The following SEL1L2 variants were observed in gnomAD, a reference collection of about 807,000 sequenced individuals.
The protein encoded by SEL1L2 is protein sel-1 homolog 2.
SEL1L2 carries 89 observed loss-of-function variants against 98.8 expected under a neutral mutation model. The ratio of observed to expected loss-of-function variants is 0.90; its 90% confidence interval spans 0.76 to 1.07. The LOEUF (loss-of-function observed/expected upper bound fraction) is 1.07, where lower values mean the gene tolerates loss of function less well. Among genes scored for constraint, SEL1L2 ranks in the 50% least tolerant of loss-of-function variants. The pLI is 0.00. For synonymous variants in SEL1L2, 262 were observed against 278.5 expected (o/e 0.94, Z 0.59); for missense variants, 788 against 812.0 (o/e 0.97, Z 0.36).
intron 1 of SEL1L2, among the ~76,000 whole-genome samples, chr20:13,976,582 T>C (rs6079243): frequency 6.6e-6 from 1 of 151,864 alleles, no homozygotes; most frequent in Non-Finnish European, 1.5e-5. Context: ...GAAGCTAGGA[T>C]CTAATCACAT....
rs73259279 is a variant in SEL1L2, at chr20:13,857,033, A to G, written c.1818+2229T>C. On this transcript the variant is annotated intron_variant, in intron 18 of 19. Coordinates refer to ENST00000284951, the MANE Select transcript of SEL1L2 (RefSeq NM_025229.2). ...TTCATTTTAAGAATTAGAGAAGGTG[A>G]TAGCACCTTGTAAATTTGACTCTGA... Among the ~76,000 whole-genome samples, 1,510 of 152,316 alleles carry G rather than the reference A, an allele frequency of 9.9e-3. 28 individuals carry two copies. The highest frequency in any genetic ancestry group is 0.035 in the African/African-American group (1,448 of 41,566).
Position 13,909,505 on chromosome 20 carries a change from GCCGGGAGCAGGAT to G in SEL1L2, c.549+4264_549+4276del, listed in dbSNP as rs147598151. Reference sequence around the variant, plus strand: ...CACTGGAATTTAATCCAGCTATAGTGCCGGGAGCAGGATCCTGGAGGCTCCCTGCTTATCCAGA... The same window carrying G: ...CACTGGAATTTAATCCAGCTATAGTGCCTGGAGGCTCCCTGCTTATCCAGA... On this transcript the variant is annotated intron_variant, in intron 5 of 19. Coordinates refer to ENST00000284951, the MANE Select transcript of SEL1L2 (RefSeq NM_025229.2). Among the ~76,000 whole-genome samples, 172 of 152,300 alleles carry G rather than the reference GCCGGGAGCAGGAT, an allele frequency of 1.1e-3. 2 individuals are homozygous for G. The East Asian group carries it at 0.029, about 26-fold the overall frequency.
chr20:13,855,939 C>T (rs1210829938), intron 18 of SEL1L2, among the ~76,000 whole-genome samples: 2 of 152,132 alleles, frequency 1.3e-5, no homozygotes, highest in Admixed American at 6.5e-5. Flanking sequence ...AGAGTCATCT[C>T]GGTCACAGAT....
chr20:13,870,740 T>C (rs2046148215), intron 12 of SEL1L2, among the ~76,000 whole-genome samples: 1 of 152,048 alleles, frequency 6.6e-6, no homozygotes, highest in South Asian at 2.1e-4. Context: ...CTGGCCAACA[T>C]GGTGAAACCC....
At chr20:13,864,494 T>C (rs1025377403) in intron 17 of SEL1L2, among the ~76,000 whole-genome samples, 1 of 152,166 alleles carries the variant, frequency 6.6e-6, no homozygotes, top group African/African-American at 2.4e-5. Flanking sequence ...AATATAATTT[T>C]AGGGGAAAAA....
At chr20:13,945,305 T>C (rs1218684703) in intron 2 of SEL1L2, among the ~76,000 whole-genome samples, 1 of 152,182 alleles carries the variant, frequency 6.6e-6, no homozygotes, top group Non-Finnish European at 1.5e-5. Flanking sequence ...TCCCATTTAG[T>C]GTGATATTCT....
chr20:13,956,906 A>T (rs1018205864), intron 1 of SEL1L2, among the ~76,000 whole-genome samples: 34 of 152,168 alleles, frequency 2.2e-4, no homozygotes, highest in African/African-American at 5.5e-4. Context: ...CATTGTAAAA[A>T]TGATCATATG....
At chr20:13,873,767 G>A (rs1488382466) in intron 12 of SEL1L2, among the ~76,000 whole-genome samples, 3 of 152,166 alleles carry the variant, frequency 2.0e-5, no homozygotes, top group Admixed American at 2.0e-4. Flanking sequence ...GCTTAGGTTA[G>A]CTGACATGAA....
At chr20:13,885,860 C>T (rs954466649) in intron 9 of SEL1L2, among the ~76,000 whole-genome samples, 2 of 151,974 alleles carry the variant, frequency 1.3e-5, no homozygotes, top group South Asian at 4.2e-4. Flanking sequence ...ATGGTGAAAC[C>T]CTGTCTCTAC....
chr20:13,979,374 T>G (rs181799605), intron 1 of SEL1L2, among the ~76,000 whole-genome samples: 1 of 152,322 alleles, frequency 6.6e-6, no homozygotes, highest in East Asian at 1.9e-4. Context: ...AACAACTTAT[T>G]GCATATTTCG....
At chr20:13,861,916 C>T in intron 17 of SEL1L2, among the ~76,000 whole-genome samples, 1 of 152,202 alleles carries the variant, frequency 6.6e-6, no homozygotes, top group East Asian at 1.9e-4. Context: ...GAGGCCGTCT[C>T]CGACTACCTT....
At chr20:13,940,887 G>A (rs777349868) in intron 2 of SEL1L2, among the ~76,000 whole-genome samples, 2 of 152,134 alleles carry the variant, frequency 1.3e-5, no homozygotes, top group African/African-American at 2.4e-5. Flanking sequence ...GTGACAGAGC[G>A]AGACTCCATC....
chr20:13,984,106 G>A (rs1438716445), intron 1 of SEL1L2, among the ~76,000 whole-genome samples: 1 of 151,328 alleles, frequency 6.6e-6, no homozygotes, highest in African/African-American at 2.4e-5. Context: ...CTGCCTCCTG[G>A]GTTCATGTGA....
chr20:13,939,040 G>GGTTTTTTGTTTTTTTTT, intron 2 of SEL1L2, among the ~76,000 whole-genome samples: 1 of 114,072 alleles, frequency 8.8e-6, no homozygotes, highest in Non-Finnish European at 1.7e-5. Context: ...TGCTTGTTTT[G>GGTTTTTTGTTTTTTTTT]TTTTTTTTTT....
chr20:13,902,576 C>A (rs1481480357), intron 5 of SEL1L2, among the ~76,000 whole-genome samples: 1 of 152,090 alleles, frequency 6.6e-6, no homozygotes, highest in Non-Finnish European at 1.5e-5. Flanking sequence ...ATCCTCCATC[C>A]CTTGGTCATG....
At chr20:13,920,716 AT>A (rs535486460) in intron 3 of SEL1L2, among the ~76,000 whole-genome samples, 51 of 152,218 alleles carry the variant, frequency 3.4e-4, no homozygotes, top group Non-Finnish European at 4.8e-4. Context: ...GGCATTTGGG[AT>A]TTGATGCCTC....
At chr20:13,973,011 T>C (rs905958852) in intron 1 of SEL1L2, among the ~76,000 whole-genome samples, 1 of 152,168 alleles carries the variant, frequency 6.6e-6, no homozygotes, top group Non-Finnish European at 1.5e-5. Flanking sequence ...ATTGTATGGA[T>C]ATTGTAACGT....
intron 1 of SEL1L2, among the ~76,000 whole-genome samples, chr20:13,963,591 T>C (rs368326107): frequency 2.3e-4 from 35 of 151,594 alleles, no homozygotes; most frequent in African/African-American, 7.5e-4. Context: ...TGGCATATGC[T>C]TGTAGTCCCA....
In SEL1L2 at chr20:13,876,374, G is replaced by A. The variant is rs531705909; in HGVS notation, c.1027-259C>T. Among the ~76,000 whole-genome samples, 4 of 148,688 alleles carry A rather than the reference G, an allele frequency of 2.7e-5. No individual in the cohort carries two copies. The South Asian group carries it at 8.6e-4, about 32-fold the overall frequency. The stretch of plus-strand genomic sequence containing the variant: ...TGACCCTGCCTGAGGGCAAAGAAAT[G>A]GACCCTGTTTGTGTTTTCTCTCTCT... On this transcript the variant is annotated intron_variant, in intron 11 of 19. Transcript: ENST00000284951.
Sources: gnomAD v4.1 joint callset for allele counts (sites outside exome capture counted in the v4.1 genomes callset) on GRCh38, gnomAD v4.1.1 for gene constraint, MANE v1.5 for transcripts, NCBI Gene and HGNC (gene_info 2026-07-23, HGNC 2026-07-21) for gene names.